Variants in STK32B observed in about 807,000 individuals in gnomAD.
The protein encoded by STK32B is serine/threonine kinase 32B.
Under a neutral mutation model 52.6 loss-of-function variants are expected in STK32B, and 43 were observed. The observed-to-expected ratio is 0.82, with a 90% CI of 0.64 to 1.05. STK32B has a LOEUF of 1.05. STK32B is among the 50% of genes least tolerant of loss of function. The pLI is 0.00. For missense variants in STK32B, 621 were observed against 534.6 expected (o/e 1.16, Z -1.59); for synonymous variants, 238 against 204.3 (o/e 1.17, Z -1.41).
At chr4:5,360,028 A>G (rs1415627326) in intron 4 of STK32B, among the ~76,000 whole-genome samples, 1 of 152,208 alleles carries the variant, frequency 6.6e-6, no homozygotes. Flanking sequence ...AAGATGGACT[A>G]CAGGCAGGAG....
At chr4:5,444,138 G>T (rs1715103931) in intron 6 of STK32B, among the ~76,000 whole-genome samples, 2 of 152,194 alleles carry the variant, frequency 1.3e-5, no homozygotes. Context: ...CCCAGTTGGA[G>T]CTTCCGGGCT....
At chr4:5,444,217 G>C (rs941500195) in intron 6 of STK32B, among the ~76,000 whole-genome samples, 10 of 152,338 alleles carry the variant, frequency 6.6e-5, no homozygotes, top group African/African-American at 2.2e-4. Flanking sequence ...CCGCCTTGCA[G>C]TTTGATCTCA....
chr4:5,221,791 G>T (rs1723552472), intron 3 of STK32B, among the ~76,000 whole-genome samples: 1 of 148,832 alleles, frequency 6.7e-6, no homozygotes, highest in Non-Finnish European at 1.5e-5. Flanking sequence ...GGGAGACAGA[G>T]GTTGCAGTGA....
At chr4:5,459,295 A>G (rs3774821) in intron 8 of STK32B, among the ~76,000 whole-genome samples, 92,976 of 127,988 alleles carry the variant, frequency 0.73, 31,477 homozygotes, top group East Asian at 0.82. Context: ...CCCCCCCCCC[A>G]CCTTTCTAAG....
intron 3 of STK32B, among the ~76,000 whole-genome samples, chr4:5,168,878 G>T (rs1327582382): frequency 6.6e-6 from 1 of 152,094 alleles, no homozygotes; most frequent in Admixed American, 6.5e-5. Context: ...ACCAAATTCG[G>T]AATTCTCTAT....
At chr4:5,087,173 A>G (rs1448967931) in intron 1 of STK32B, among the ~76,000 whole-genome samples, 3 of 152,156 alleles carry the variant, frequency 2.0e-5, no homozygotes, top group African/African-American at 7.2e-5. Context: ...AAAGGGGATG[A>G]ATGAAGAGAT....
At chr4:5,463,974 A>C (rs1191187316) in intron 9 of STK32B, among the ~76,000 whole-genome samples, 1 of 152,202 alleles carries the variant, frequency 6.6e-6, no homozygotes, top group African/African-American at 2.4e-5. Context: ...ACTGGCTTAC[A>C]GTCCTGCGGG....
At chr4:5,036,272 A>C in the STK32B span, among the ~76,000 whole-genome samples, 1 of 152,166 alleles carries the variant, frequency 6.6e-6, no homozygotes, top group African/African-American at 2.4e-5. Flanking sequence ...CCCACTGAGT[A>C]CCCAGCACTG....
At chr4:5,084,964 A>G (rs1168320117) in intron 1 of STK32B, among the ~76,000 whole-genome samples, 1 of 152,236 alleles carries the variant, frequency 6.6e-6, no homozygotes, top group Non-Finnish European at 1.5e-5. Context: ...GATTCATGAC[A>G]GTAAAAGTGT....
chr4:5,225,981 G>A (rs1015210564), intron 3 of STK32B, among the ~76,000 whole-genome samples: 13 of 152,166 alleles, frequency 8.5e-5, no homozygotes, highest in African/African-American at 3.1e-4. Flanking sequence ...CTGTTCTCAA[G>A]TTTGTCTCCT....
chr4:5,134,329 T>G lies in STK32B; in HGVS notation c.53-5576T>G, dbSNP rs890569670. On this transcript the variant is annotated intron_variant, in intron 1 of 11. Coordinates refer to ENST00000282908, the MANE Select transcript of STK32B (RefSeq NM_018401.3). ...GAAATCTCTGCCCTTATGAAGGGAC[T>G]GCTGTCATTATCATGGGAGTAGATT... Among the ~76,000 whole-genome samples, 4 of 152,198 alleles carry G rather than the reference T, an allele frequency of 2.6e-5. No homozygotes were observed. The East Asian group carries it at 7.7e-4, about 29-fold the overall frequency.
chr4:5,368,141 C>T (rs1734996311), intron 4 of STK32B, among the ~76,000 whole-genome samples: 1 of 151,926 alleles, frequency 6.6e-6, no homozygotes, highest in Non-Finnish European at 1.5e-5. Context: ...CGTCCTTTTG[C>T]TGTTGGGTGA....
At chr4:5,113,256 A>G (rs1039172700) in intron 1 of STK32B, among the ~76,000 whole-genome samples, 2 of 152,176 alleles carry the variant, frequency 1.3e-5, no homozygotes, top group African/African-American at 2.4e-5. Context: ...ACACAGCAAG[A>G]AGATGGCTAT....
At chr4:5,309,543 C>A (rs2108908132) in intron 3 of STK32B, among the ~76,000 whole-genome samples, 1 of 152,148 alleles carries the variant, frequency 6.6e-6, no homozygotes, top group East Asian at 1.9e-4. Context: ...CCACATAGAC[C>A]AATGGAGCAG....
intron 3 of STK32B, among the ~76,000 whole-genome samples, chr4:5,180,363 T>G (rs1720260479): frequency 6.6e-6 from 1 of 152,246 alleles, no homozygotes; most frequent in Non-Finnish European, 1.5e-5. Flanking sequence ...AACAGCTATT[T>G]TCATTTCCTA....
rs1334483931 is a variant in STK32B, at chr4:5,493,164, C to T, written c.1107-5781C>T. ...GTTTCAGAAGGAATGGTACTAGTTC[C>T]TCCTTGTACCTCTGATAGAATTCGG... is the stretch of plus-strand genomic sequence containing the variant. On this transcript the variant is annotated intron_variant, in intron 11 of 11. Coordinates refer to ENST00000282908, the MANE Select transcript of STK32B (RefSeq NM_018401.3). 6.6e-5 allele frequency among the ~76,000 whole-genome samples: 10 copies of T among 151,874 alleles called. No individual in the cohort carries two copies. In the South Asian group the frequency reaches 1.7e-3, roughly 25 times the overall value.
rs1319447546 is a variant in STK32B at position 5,249,501 on chromosome 4, T to TCCTC, written c.260+81059_260+81062dup. Among the ~76,000 whole-genome samples the TCCTC allele has an allele frequency of 5.4e-4, 68 of 124,952 alleles. 1 individual carries two copies. Among genetic ancestry groups the TCCTC allele is most frequent in the East Asian group, 1.9e-3 (7 of 3,748 alleles). The allele number at this position is 124,952 out of a possible 152,430, so 82.0% of individuals were successfully genotyped here. A position where few individuals can be genotyped will look rare whatever the true frequency, so the allele number is the denominator to read the frequency against. On this transcript the variant is annotated intron_variant, in intron 3 of 11. Transcript: ENST00000282908. ...TTCCTTCCTTCCTTCCTTCCTTCCT[T>TCCTC]CCTCCCTCCCTTCCTTTAAACTTTT...
intron 3 of STK32B, among the ~76,000 whole-genome samples, chr4:5,289,413 A>G (rs1728746475): frequency 6.6e-6 from 1 of 152,164 alleles, no homozygotes; most frequent in Admixed American, 6.5e-5. Flanking sequence ...AGACATTGTA[A>G]ACACTGTACA....
chr4:5,309,114 G>C (rs1045195001), intron 3 of STK32B, among the ~76,000 whole-genome samples: 2 of 151,538 alleles, frequency 1.3e-5, no homozygotes, highest in African/African-American at 4.9e-5. Flanking sequence ...AAAACTAGTG[G>C]GAAAAGAAAT....
Sources: allele counts gnomAD v4.1 joint callset (sites outside exome capture counted in the v4.1 genomes callset), GRCh38; gene constraint gnomAD v4.1.1; transcripts MANE v1.5; gene names NCBI Gene and HGNC (gene_info 2026-07-23, HGNC 2026-07-21).